MOB3B: variants seen among roughly 807,000 people sequenced by gnomAD.
MOB3B encodes MOB kinase activator 3B, also known as MOB kinase activator-like 2B.
In MOB3B, 7 loss-of-function variants were observed where a neutral mutation model predicts 18.7. The observed-to-expected ratio is 0.37, with a 90% CI of 0.21 to 0.70. The LOEUF is 0.70. Ranked by LOEUF, MOB3B falls within the 30% of genes least tolerant of loss-of-function variation. MOB3B has a pLI of 0.52. For synonymous variants in MOB3B, 111 were observed against 99.9 expected (o/e 1.11, Z -0.66); for missense variants, 253 against 281.3 (o/e 0.90, Z 0.72).
intron 1 of MOB3B, among the ~76,000 whole-genome samples, chr9:27,510,450 T>A (rs1820126002): frequency 6.6e-6 from 1 of 152,218 alleles, no homozygotes. Context: ...ACACAAAGTA[T>A]GTTCCCCAAA....
chr9:27,376,824 A>T (rs1198062404), intron 2 of MOB3B, among the ~76,000 whole-genome samples: 2 of 152,214 alleles, frequency 1.3e-5, no homozygotes, highest in Non-Finnish European at 2.9e-5. Flanking sequence ...GGGTCCAGCA[A>T]TCTGTGCTTT....
At chr9:27,426,019 G>A (rs1822324054) in intron 2 of MOB3B, among the ~76,000 whole-genome samples, 1 of 152,178 alleles carries the variant, frequency 6.6e-6, no homozygotes, top group Non-Finnish European at 1.5e-5. Flanking sequence ...TTATGGAAAA[G>A]CAGGAGGAGT....
At position 27,420,503 on chromosome 9, in the gene MOB3B, ATATATTCCATC is replaced by A. The variant is rs545145636; in HGVS notation, c.418+34619_418+34629del. Among the ~76,000 whole-genome samples the A allele has an allele frequency of 4.2e-3, 598 of 141,140 alleles. 4 individuals carry two copies. The highest frequency in any genetic ancestry group is 0.015 in the African/African-American group (555 of 37,532). The allele number at this position is 141,140 out of a possible 152,430, so 92.6% of individuals were successfully genotyped here. A position where few individuals can be genotyped will look rare whatever the true frequency, so the allele number is the denominator to read the frequency against. On this transcript the variant is annotated intron_variant, in intron 2 of 3. Coordinates refer to ENST00000262244, the MANE Select transcript of MOB3B (RefSeq NM_024761.5). ...TATATATTTCATATATATTCCATCT[ATATATTCCATC>A]TATATTCCATCTATATATTCCATCT...
At chr9:27,385,131 G>C (rs1478790635) in intron 2 of MOB3B, among the ~76,000 whole-genome samples, 1 of 152,120 alleles carries the variant, frequency 6.6e-6, no homozygotes, top group Non-Finnish European at 1.5e-5. Context: ...TGAGGAGGGG[G>C]GCAAAAGGAG....
chr9:27,343,137 G>C (rs7019577), intron 3 of MOB3B, among the ~76,000 whole-genome samples: 5 of 151,056 alleles, frequency 3.3e-5, no homozygotes, highest in Admixed American at 1.3e-4. Flanking sequence ...CTAAGAAAAA[G>C]TCTTCTGCCT....
chr9:27,453,323 T>C (rs1369606008), intron 2 of MOB3B, among the ~76,000 whole-genome samples: 1 of 152,142 alleles, frequency 6.6e-6, no homozygotes, highest in Non-Finnish European at 1.5e-5. Context: ...GGGGAAGAAA[T>C]CTTTACGATC....
At chr9:27,436,954 G>A (rs1297962752) in intron 2 of MOB3B, among the ~76,000 whole-genome samples, 8 of 143,102 alleles carry the variant, frequency 5.6e-5, no homozygotes, top group East Asian at 2.3e-4. Context: ...AACAGAACGC[G>A]CAAAGGCTCG....
intron 2 of MOB3B, among the ~76,000 whole-genome samples, chr9:27,376,694 A>G (rs1323626283): frequency 6.6e-6 from 1 of 152,242 alleles, no homozygotes; most frequent in Non-Finnish European, 1.5e-5. Flanking sequence ...ACTGGCCTAC[A>G]GAAGTGATTC....
intron 1 of MOB3B, among the ~76,000 whole-genome samples, chr9:27,491,261 C>G (rs1293955716): frequency 2.6e-5 from 4 of 152,058 alleles, no homozygotes; most frequent in Admixed American, 2.6e-4. Context: ...AGGAATTTGG[C>G]ACAAGTTCCA....
intron 2 of MOB3B, among the ~76,000 whole-genome samples, chr9:27,382,838 A>C (rs1355851109): frequency 6.6e-6 from 1 of 151,894 alleles, no homozygotes; most frequent in Non-Finnish European, 1.5e-5. Context: ...TCCCCTACCC[A>C]ATCCAATTAA....
chr9:27,505,080 G>A (rs911179081), intron 1 of MOB3B, among the ~76,000 whole-genome samples: 5 of 152,128 alleles, frequency 3.3e-5, no homozygotes, highest in Non-Finnish European at 5.9e-5. Context: ...TAGTGTAATC[G>A]CATACACAAA....
At chr9:27,519,844 C>A (rs936432249) in intron 1 of MOB3B, among the ~76,000 whole-genome samples, 16 of 151,776 alleles carry the variant, frequency 1.1e-4, no homozygotes, top group African/African-American at 3.9e-4. Context: ...TGAGGCTGAC[C>A]CCAATGCTGA....
chr9:27,507,908 G>A (rs1820083833), intron 1 of MOB3B, among the ~76,000 whole-genome samples: 3 of 152,170 alleles, frequency 2.0e-5, no homozygotes, highest in Non-Finnish European at 2.9e-5. Context: ...TTCTTCAAGC[G>A]ATTAAAGCTG....
chr9:27,478,242 C>T (rs1258381264), intron 1 of MOB3B, among the ~76,000 whole-genome samples: 1 of 152,162 alleles, frequency 6.6e-6, no homozygotes. Flanking sequence ...CTACAAGACT[C>T]CCTCAGAATA....
At chr9:27,506,329 A>G (rs1469982603) in intron 1 of MOB3B, among the ~76,000 whole-genome samples, 1 of 152,000 alleles carries the variant, frequency 6.6e-6, no homozygotes, top group Non-Finnish European at 1.5e-5. Context: ...TTCAACTACT[A>G]CTCACTTGAA....
chr9:27,469,433 C>G (rs571234056), intron 1 of MOB3B, among the ~76,000 whole-genome samples: 1 of 152,164 alleles, frequency 6.6e-6, no homozygotes. Flanking sequence ...CCTAACCTGT[C>G]TCCCTCAATC....
At chr9:27,525,877 T>C (rs184141806) in intron 1 of MOB3B, 2 of 152,360 alleles carry the variant, frequency 1.3e-5, no homozygotes, top group African/African-American at 4.8e-5. Context: ...TTTATCTTTT[T>C]AAAAGTTACT....
At chr9:27,524,615 G>A (rs534467297) in intron 1 of MOB3B, 180 of 1,614,094 alleles carry the variant, frequency 1.1e-4, no homozygotes, top group Non-Finnish European at 1.5e-4. Context: ...TGTCCCTACA[G>A]GCCTTCAACA....
At chr9:27,507,074 T>C (rs1470272800) in intron 1 of MOB3B, among the ~76,000 whole-genome samples, 3 of 152,178 alleles carry the variant, frequency 2.0e-5, no homozygotes, top group Non-Finnish European at 4.4e-5. Flanking sequence ...CTGTGACTGA[T>C]ACCATTTGCT....
Sources: allele counts gnomAD v4.1 joint callset (sites outside exome capture counted in the v4.1 genomes callset), GRCh38; gene constraint gnomAD v4.1.1; transcripts MANE v1.5; gene names NCBI Gene and HGNC (gene_info 2026-07-23, HGNC 2026-07-21).